MLLT3: variants seen among roughly 807,000 people sequenced by gnomAD.
MLLT3 encodes the protein MLLT3 super elongation complex subunit.
A neutral mutation model predicts 53.2 loss-of-function variants in MLLT3; 4 were observed. The observed-to-expected ratio is 0.08, with a 90% CI of 0.04 to 0.17. The LOEUF is 0.17. MLLT3 is among the 10% of genes least tolerant of loss of function. MLLT3 has a pLI of 1.00. For synonymous variants in MLLT3, 283 were observed against 230.6 expected, an observed-to-expected ratio of 1.23 and a Z score of -2.06; for missense variants, 569 against 684.0, an observed-to-expected ratio of 0.83 and a Z score of 1.87.
chr9:20,351,019 G>T (rs1272714922), intron 10 of MLLT3, among the ~76,000 whole-genome samples: 3 of 152,168 alleles, frequency 2.0e-5, no homozygotes, highest in Non-Finnish European at 4.4e-5. Flanking sequence ...CTCTACTATG[G>T]TCTGGAAAGC....
chr9:20,462,431 A>G (rs1355769986), intron 2 of MLLT3, among the ~76,000 whole-genome samples: 1 of 152,138 alleles, frequency 6.6e-6, no homozygotes, highest in Admixed American at 6.5e-5. Flanking sequence ...TAAAAACCTA[A>G]TTGCTTCCTA....
chr9:20,364,941 A>C (rs1445044471), intron 6 of MLLT3, among the ~76,000 whole-genome samples: 1 of 152,260 alleles, frequency 6.6e-6, no homozygotes, highest in Non-Finnish European at 1.5e-5. Context: ...TCTGAATTCA[A>C]GTTAACACTT....
intron 5 of MLLT3, among the ~76,000 whole-genome samples, chr9:20,379,531 A>G (rs1010610136): frequency 6.6e-6 from 1 of 152,086 alleles, no homozygotes; most frequent in Non-Finnish European, 1.5e-5. Flanking sequence ...TTTGAGTCTC[A>G]ATATTGTGCA....
At chr9:20,517,334 G>A (rs966487891) in intron 2 of MLLT3, among the ~76,000 whole-genome samples, 1 of 152,006 alleles carries the variant, frequency 6.6e-6, no homozygotes, top group African/African-American at 2.4e-5. Flanking sequence ...ACCAGAAGGA[G>A]TGGCATCCCA....
intron 2 of MLLT3, among the ~76,000 whole-genome samples, chr9:20,492,955 T>C (rs1360210795): frequency 6.6e-6 from 1 of 151,984 alleles, no homozygotes; most frequent in African/African-American, 2.4e-5. Context: ...TTGATTGTCT[T>C]ACCTTTAAAT....
intron 4 of MLLT3, among the ~76,000 whole-genome samples, chr9:20,433,816 A>G (rs570557905): frequency 6.6e-6 from 1 of 152,176 alleles, no homozygotes; most frequent in East Asian, 1.9e-4. Flanking sequence ...TCCTTTTGCT[A>G]TCAAAATAAA....
chr9:20,379,119 C>T (rs1423685182), intron 5 of MLLT3, among the ~76,000 whole-genome samples: 2 of 152,006 alleles, frequency 1.3e-5, no homozygotes, highest in Non-Finnish European at 2.9e-5. Context: ...CAGAAAGATG[C>T]CTATTTGGGT....
chr9:20,567,392 A>T (rs1053244895), intron 2 of MLLT3, among the ~76,000 whole-genome samples: 7 of 151,866 alleles, frequency 4.6e-5, no homozygotes, highest in Non-Finnish European at 8.8e-5. Context: ...TAACTTTTTT[A>T]AAAGGTTATT....
In MLLT3 at chr9:20,373,882, A is replaced by G. The variant is rs140493066; in HGVS notation, c.1126-8138T>C. 2.2e-3 allele frequency among the ~76,000 whole-genome samples: 338 copies of G among 152,100 alleles called. 2 individuals carry two copies. The highest frequency in any genetic ancestry group is 7.9e-3 in the African/African-American group (327 of 41,476). Reference sequence around the variant, plus strand: ...GACACTTTATTTACTTCTCTGTTCAATTTTCATTATGCCTGACTGAAGTAT... The same window carrying G: ...GACACTTTATTTACTTCTCTGTTCAGTTTTCATTATGCCTGACTGAAGTAT... On this transcript the variant is annotated intron_variant, in intron 5 of 10. Coordinates refer to ENST00000380338, the MANE Select transcript of MLLT3 (RefSeq NM_004529.4).
chr9:20,423,494 G>C (rs760196041), intron 4 of MLLT3, among the ~76,000 whole-genome samples: 1 of 152,078 alleles, frequency 6.6e-6, no homozygotes, highest in Non-Finnish European at 1.5e-5. Context: ...TGTATCCACA[G>C]ATTCAACCAA....
At chr9:20,617,688 T>C (rs977723394) in intron 2 of MLLT3, among the ~76,000 whole-genome samples, 2 of 152,204 alleles carry the variant, frequency 1.3e-5, no homozygotes, top group Non-Finnish European at 2.9e-5. Context: ...AAATGCATCA[T>C]ACTCTGACCT....
At position 20,457,840 on chromosome 9, in the gene MLLT3, C is replaced by T. The variant is rs76297800; in HGVS notation, c.194-1054G>A. 1.6e-4 allele frequency among the ~76,000 whole-genome samples: 25 copies of T among 152,204 alleles called. No individual in the cohort carries two copies. The East Asian group carries it at 4.3e-3, about 26-fold the overall frequency. On this transcript the variant is annotated intron_variant, in intron 2 of 10. Coordinates refer to ENST00000380338, the MANE Select transcript of MLLT3 (RefSeq NM_004529.4). ...TCATTCCACTAAAATTTCAATTAAA[C>T]GAAAATCAGTCACAAGCCAACTGAA...
intron 4 of MLLT3, among the ~76,000 whole-genome samples, chr9:20,424,086 A>T (rs905070760): frequency 2.0e-5 from 3 of 152,216 alleles, no homozygotes; most frequent in African/African-American, 7.2e-5. Flanking sequence ...CATAAATTAT[A>T]TGCAAATACT....
At chr9:20,560,868 G>A (rs2131151971) in intron 2 of MLLT3, among the ~76,000 whole-genome samples, 1 of 152,132 alleles carries the variant, frequency 6.6e-6, no homozygotes, top group African/African-American at 2.4e-5. Flanking sequence ...TCAAGTCAGG[G>A]AATTTGGGGT....
At chr9:20,484,398 T>C (rs562838398) in intron 2 of MLLT3, among the ~76,000 whole-genome samples, 1 of 152,332 alleles carries the variant, frequency 6.6e-6, no homozygotes, top group Non-Finnish European at 1.5e-5. Context: ...ACTACACTGC[T>C]GTAGTAATGC....
At position 20,413,930 on chromosome 9, in the gene MLLT3, A is replaced by C; in HGVS notation, c.916T>G (p.Leu306Val). The stretch of plus-strand genomic sequence containing the variant: ...GGTGCGCTAGAAAAACTTTTAAATA[A>C]AGCCTCTGAGCTACTCTTTTTCCTT... ...KKRKKSSSEA[L>V]FKSFSSAPPL... The change falls in exon 5 of 11, where the codon TTA becomes GTA. Residue 306 changes from leucine (L) to valine (V), a missense_variant. Coordinates refer to ENST00000380338, the MANE Select transcript of MLLT3 (RefSeq NM_004529.4). 1 of 1,613,452 alleles carries C rather than the reference A, an allele frequency of 6.2e-7. No individual in the cohort carries two copies. Among genetic ancestry groups the C allele is most frequent in the Admixed American group, 1.7e-5 (1 of 59,814 alleles).
chr9:20,368,357 A>T (rs1237201405), intron 5 of MLLT3, among the ~76,000 whole-genome samples: 1 of 152,148 alleles, frequency 6.6e-6, no homozygotes, highest in Non-Finnish European at 1.5e-5. Context: ...GTGCCTGCAA[A>T]TGATATTATT....
Position 20,433,964 on chromosome 9 carries a change from A to C in MLLT3, c.420+14159T>G, listed in dbSNP as rs557844181. Among the ~76,000 whole-genome samples the C allele has an allele frequency of 1.3e-4, 19 of 151,744 alleles. No individual in the cohort carries two copies. In the South Asian group the frequency reaches 3.8e-3, roughly 30 times the overall value. On this transcript the variant is annotated intron_variant, in intron 4 of 10. Coordinates refer to ENST00000380338, the MANE Select transcript of MLLT3 (RefSeq NM_004529.4). Reference sequence around the variant, plus strand: ...CCTGTCTCTACTAAAAATACAAAAAAAAAAAAATTAGCTGGGTATGGTGGC... The same window carrying C: ...CCTGTCTCTACTAAAAATACAAAAACAAAAAAATTAGCTGGGTATGGTGGC...
At chr9:20,347,316 G>A (rs1160657884) in intron 10 of MLLT3, among the ~76,000 whole-genome samples, 3 of 152,106 alleles carry the variant, frequency 2.0e-5, no homozygotes, top group African/African-American at 7.2e-5. Flanking sequence ...GTGTTCACTT[G>A]ATTCCCCTGA....
Sources: allele counts gnomAD v4.1 joint callset (sites outside exome capture counted in the v4.1 genomes callset), GRCh38; gene constraint gnomAD v4.1.1; transcripts MANE v1.5; gene names NCBI Gene and HGNC (gene_info 2026-07-23, HGNC 2026-07-21).